The following FTO variants were observed in gnomAD, a reference collection of about 807,000 sequenced individuals.
FTO encodes alpha-ketoglutarate-dependent dioxygenase FTO.
In FTO, 47 loss-of-function variants were observed where a neutral mutation model predicts 63.9. The observed-to-expected ratio is 0.74, with a 90% CI of 0.58 to 0.94. FTO has a LOEUF of 0.94. Among genes scored for constraint, FTO ranks in the 40% least tolerant of loss-of-function variants. The probability of loss-of-function intolerance (pLI) is 0.00; values close to 1 mark genes in which losing one functional copy is unlikely to be tolerated. For synonymous variants in FTO, 207 were observed against 224.4 expected (o/e 0.92, Z 0.69); for missense variants, 562 against 618.1 (o/e 0.91, Z 0.96).
At chr16:54,108,543 C>A (rs1289209805) in intron 8 of FTO, among the ~76,000 whole-genome samples, 1 of 152,050 alleles carries the variant, frequency 6.6e-6, no homozygotes, top group Non-Finnish European at 1.5e-5. Context: ...GGCTACGCAC[C>A]CAGTTAGTAT....
At chr16:53,819,257 C>A (rs562142063) in intron 2 of FTO, among the ~76,000 whole-genome samples, 1 of 152,336 alleles carries the variant, frequency 6.6e-6, no homozygotes, top group Admixed American at 6.5e-5. Flanking sequence ...TCAGCTTCCA[C>A]TTCCTGGGCT....
At chr16:53,880,894 G>T (rs1465717297) in intron 6 of FTO, among the ~76,000 whole-genome samples, 1 of 115,630 alleles carries the variant, frequency 8.6e-6, no homozygotes, top group East Asian at 2.8e-4. Context: ...ACGATCAAAA[G>T]ATCGAGACCA....
intron 7 of FTO, among the ~76,000 whole-genome samples, chr16:53,907,830 A>G (rs1167288370): frequency 6.6e-6 from 1 of 152,094 alleles, no homozygotes; most frequent in Non-Finnish European, 1.5e-5. Flanking sequence ...TACCAGCTCA[A>G]TTACTCCTTC....
intron 2 of FTO, among the ~76,000 whole-genome samples, chr16:53,815,796 G>A (rs1410979816): frequency 5.3e-5 from 8 of 151,820 alleles, no homozygotes; most frequent in South Asian, 2.1e-4. Context: ...CTACAGGCGC[G>A]CGTCACCATG....
At chr16:53,922,780 C>CG (rs2082037711) in intron 7 of FTO, among the ~76,000 whole-genome samples, 1 of 152,182 alleles carries the variant, frequency 6.6e-6, no homozygotes, top group Admixed American at 6.5e-5. Context: ...AGTAGAACAA[C>CG]TGGGAAATAA....
intron 8 of FTO, among the ~76,000 whole-genome samples, chr16:53,997,886 T>G (rs2083980129): frequency 6.6e-6 from 1 of 152,178 alleles, no homozygotes; most frequent in South Asian, 2.1e-4. Context: ...AGGAGGTGAC[T>G]TCCACAGTCA....
chr16:53,955,110 G>A lies in FTO; in HGVS notation c.1364+21001G>A, dbSNP rs569252755. On this transcript the variant is annotated intron_variant, in intron 8 of 8. Transcript: ENST00000471389. ...CATAAAGCATTCTTTAAGCATTAGT[G>A]CCATTGGAGTCTAGCATTGACCATA... 5.9e-5 allele frequency among the ~76,000 whole-genome samples: 9 copies of A among 152,232 alleles called. No homozygotes were observed. The East Asian group carries it at 1.6e-3, about 26-fold the overall frequency.
chr16:54,018,320 T>C (rs1237442251), intron 8 of FTO, among the ~76,000 whole-genome samples: 2 of 152,094 alleles, frequency 1.3e-5, no homozygotes, highest in African/African-American at 4.8e-5. Flanking sequence ...ATGCAGATAC[T>C]GGTTTGATGT....
At chr16:53,888,986 G>C in intron 7 of FTO, 35 bp downstream of exon 7, 1 of 1,611,630 alleles carries the variant, frequency 6.2e-7, no homozygotes, top group Non-Finnish European at 8.5e-7. Context: ...TGTTTTCTGG[G>C]CTGCTGTGTT....
At chr16:53,774,064 T>C (rs909010033) in intron 1 of FTO, among the ~76,000 whole-genome samples, 4 of 152,262 alleles carry the variant, frequency 2.6e-5, no homozygotes, top group African/African-American at 9.6e-5. Flanking sequence ...CTCCTAATAT[T>C]TCTATAGCAA....
intron 1 of FTO, among the ~76,000 whole-genome samples, chr16:53,790,550 T>C (rs2077884380): frequency 8.9e-6 from 1 of 112,242 alleles, no homozygotes; most frequent in Non-Finnish European, 1.7e-5. Context: ...GACCCCCATC[T>C]CTATAAAGAA....
intron 1 of FTO, among the ~76,000 whole-genome samples, chr16:53,744,676 C>T (rs970631028): frequency 1.3e-5 from 2 of 152,170 alleles, no homozygotes; most frequent in Non-Finnish European, 2.9e-5. Flanking sequence ...TGACATATTT[C>T]GTAGCTGATC....
chr16:53,723,828 A>C (rs1421084), intron 1 of FTO, among the ~76,000 whole-genome samples: 2 of 152,062 alleles, frequency 1.3e-5, no homozygotes, highest in African/African-American at 4.8e-5. Context: ...ACAAATACCA[A>C]GATAGGGTTT....
chr16:54,009,205 A>G lies in FTO; in HGVS notation c.1364+75096A>G, dbSNP rs376263580. Reference sequence around the variant, plus strand: ...AACAGACCCCTTTTTCTGCTGCTGTAAACTGTGGTGTTTGAACCTAGTAGT... The same window carrying G: ...AACAGACCCCTTTTTCTGCTGCTGTGAACTGTGGTGTTTGAACCTAGTAGT... On this transcript the variant is annotated intron_variant, in intron 8 of 8. Coordinates refer to ENST00000471389, the MANE Select transcript of FTO (RefSeq NM_001080432.3). Among the ~76,000 whole-genome samples, 6 of 152,256 alleles carry G rather than the reference A, an allele frequency of 3.9e-5. No homozygotes were observed. In the East Asian group the frequency reaches 9.7e-4, roughly 24 times the overall value.
chr16:53,877,575 A>G (rs1028922460), intron 5 of FTO, among the ~76,000 whole-genome samples: 1 of 152,222 alleles, frequency 6.6e-6, no homozygotes, highest in Non-Finnish European at 1.5e-5. Flanking sequence ...GTGACTGCCA[A>G]ATGGCACAGG....
intron 3 of FTO, among the ~76,000 whole-genome samples, chr16:53,832,805 C>T (rs1417221359): frequency 1.3e-5 from 2 of 152,156 alleles, no homozygotes; most frequent in Non-Finnish European, 2.9e-5. Context: ...CATCATCCCA[C>T]ACCAAATCTC....
chr16:53,861,924 C>T (rs1324125593), intron 4 of FTO, among the ~76,000 whole-genome samples: 1 of 152,012 alleles, frequency 6.6e-6, no homozygotes, highest in African/African-American at 2.4e-5. Flanking sequence ...GCTTGATTGG[C>T]TATAGGATTC....
intron 7 of FTO, among the ~76,000 whole-genome samples, chr16:53,922,760 C>T (rs1437480984): frequency 1.3e-5 from 2 of 152,176 alleles, no homozygotes; most frequent in Non-Finnish European, 1.5e-5. Context: ...GAATGTCACC[C>T]AGAACCAACA....
At chr16:54,080,094 TAAG>T (rs1222744405) in intron 8 of FTO, among the ~76,000 whole-genome samples, 1 of 152,030 alleles carries the variant, frequency 6.6e-6, no homozygotes, top group Non-Finnish European at 1.5e-5. Context: ...TTAATAATCA[TAAG>T]AAGAGTAGGC....
Sources: gnomAD v4.1 joint callset for allele counts (sites outside exome capture counted in the v4.1 genomes callset) on GRCh38, gnomAD v4.1.1 for gene constraint, MANE v1.5 for transcripts, NCBI Gene and HGNC (gene_info 2026-07-23, HGNC 2026-07-21) for gene names.